The following RGS7 variants were observed in gnomAD, a reference collection of about 807,000 sequenced individuals.
RGS7 encodes the protein regulator of G-protein signaling 7.
RGS7 carries 27 observed loss-of-function variants against 81.1 expected under a neutral mutation model. The ratio of observed to expected loss-of-function variants is 0.33; its 90% CI spans 0.25 to 0.46. The LOEUF (loss-of-function observed/expected upper bound fraction) is 0.46, where lower values mean the gene tolerates loss of function less well. Ranked by LOEUF, RGS7 falls within the 20% of genes least tolerant of loss-of-function variation. The pLI, the probability that RGS7 is intolerant of heterozygous loss-of-function variation, is 1.00. For synonymous variants in RGS7, 208 were observed against 207.7 expected, an observed-to-expected ratio of 1.00 and a Z score of -0.01; for missense variants, 396 against 607.4, an observed-to-expected ratio of 0.65 and a Z score of 3.66.
In RGS7 at chr1:240,868,134, G is replaced by C. The variant is rs1019666950; in HGVS notation, c.609+453C>G. On this transcript the variant is annotated intron_variant, in intron 9 of 18. Coordinates refer to ENST00000440928, the MANE Select transcript of RGS7 (RefSeq NM_001364886.1). This position sits in a 1 kb window ranked among gnomAD's most constrained non-coding sequence, Gnocchi z 5.1. ...AAAGAAAAGGAAAGAAAGAAAGAAA[G>C]AAAGAAAGAAAGAAAGAAAGAAAGG... is the stretch of plus-strand genomic sequence containing the variant. 2.6e-5 allele frequency among the ~76,000 whole-genome samples: 3 copies of C among 117,168 alleles called. No homozygotes were observed. Among genetic ancestry groups the C allele is most frequent in the African/African-American group, 1.5e-4 (3 of 19,852 alleles). 76.9% of individuals were successfully genotyped at this position (117,168 alleles called of 152,430 possible).
At chr1:240,786,728 A>C (rs539924195) in intron 18 of RGS7, among the ~76,000 whole-genome samples, 31 of 152,336 alleles carry the variant, frequency 2.0e-4, no homozygotes, top group Admixed American at 1.4e-3. Context: ...TATTTTTTAA[A>C]AAATGTGTCA....
chr1:240,954,533 G>A (rs1285525341), intron 4 of RGS7, among the ~76,000 whole-genome samples: 1 of 135,552 alleles, frequency 7.4e-6, no homozygotes, highest in Non-Finnish European at 1.6e-5. Context: ...TCATTAGACA[G>A]AATCCAAAAC....
intron 6 of RGS7, among the ~76,000 whole-genome samples, chr1:240,884,290 T>C (rs1240445040): frequency 6.6e-6 from 1 of 152,112 alleles, no homozygotes; most frequent in African/African-American, 2.4e-5. Flanking sequence ...CAGAAACACA[T>C]ATGCATGAAG....
At chr1:240,780,718 A>T (rs1683868730) in intron 18 of RGS7, among the ~76,000 whole-genome samples, 1 of 151,976 alleles carries the variant, frequency 6.6e-6, no homozygotes, top group Non-Finnish European at 1.5e-5. Flanking sequence ...GATCGAGACT[A>T]TCCTGGCCAA....
intron 17 of RGS7, 35 bp downstream of exon 17, chr1:240,801,420 T>G (rs1277948976): frequency 7.1e-7 from 1 of 1,416,372 alleles, no homozygotes; most frequent in East Asian, 2.3e-5. Context: ...TCATTGGACT[T>G]AATGATTCAT....
In RGS7 at chr1:241,054,871, A is replaced by G. The variant is rs141229700; in HGVS notation, c.175+43795T>C. 1.9e-3 allele frequency among the ~76,000 whole-genome samples: 288 copies of G among 152,340 alleles called. 3 individuals carry two copies. The highest frequency in any genetic ancestry group is 6.6e-3 in the African/African-American group (275 of 41,590). The stretch of plus-strand genomic sequence containing the variant: ...AAGTAGAGTTATCTTCCTAAAACTT[A>G]TATCACTACTCTACTTAAAACACTC... On this transcript the variant is annotated intron_variant, in intron 3 of 18. Transcript: ENST00000440928.
intron 3 of RGS7, among the ~76,000 whole-genome samples, chr1:241,090,046 T>C (rs1052787530): frequency 1.3e-5 from 2 of 149,718 alleles, no homozygotes; most frequent in Non-Finnish European, 3.0e-5. Context: ...TTTTCTTCCA[T>C]AGGGATCTTG....
chr1:241,300,613 T>C (rs976029090), intron 2 of RGS7, among the ~76,000 whole-genome samples: 5 of 152,370 alleles, frequency 3.3e-5, no homozygotes, highest in South Asian at 4.1e-4. Flanking sequence ...CATTTTAGCA[T>C]TGAATAATAT....
chr1:240,811,761 C>T (rs994302182), intron 14 of RGS7, among the ~76,000 whole-genome samples, 157 bp downstream of exon 14: 16 of 152,190 alleles, frequency 1.1e-4, no homozygotes, highest in African/African-American at 3.9e-4. Flanking sequence ...CTTTGCCTTG[C>T]TATCTCTTTT....
chr1:240,808,909 A>ATGG (rs34920560), intron 14 of RGS7, among the ~76,000 whole-genome samples: 107,533 of 151,356 alleles, frequency 0.71, 38,697 homozygotes, highest in Non-Finnish European at 0.78. Context: ...TATCCTTTAT[A>ATGG]TAGGTGGAAG....
intron 2 of RGS7, among the ~76,000 whole-genome samples, chr1:241,100,565 G>A (rs2102896258): frequency 6.6e-6 from 1 of 152,156 alleles, no homozygotes; most frequent in South Asian, 2.1e-4. Context: ...GTTTGTATTT[G>A]ACTCTTAGCT....
At chr1:241,032,706 C>T (rs527754) in intron 3 of RGS7, among the ~76,000 whole-genome samples, 4 of 151,880 alleles carry the variant, frequency 2.6e-5, no homozygotes, top group Non-Finnish European at 5.9e-5. Flanking sequence ...TCACGTCCTT[C>T]GTTACATATA....
intron 3 of RGS7, among the ~76,000 whole-genome samples, chr1:241,079,267 A>T (rs1418384984): frequency 6.6e-6 from 1 of 152,206 alleles, no homozygotes; most frequent in Non-Finnish European, 1.5e-5. Context: ...TGCTGGGGAC[A>T]TCAGCTGTCC....
chr1:240,894,018 G>A (rs1443770086), intron 6 of RGS7, among the ~76,000 whole-genome samples: 1 of 152,122 alleles, frequency 6.6e-6, no homozygotes, highest in African/African-American at 2.4e-5. Flanking sequence ...GTGATGGTCT[G>A]TGAATGGAAA....
At chr1:241,335,946 A>T (rs367778859) in intron 2 of RGS7, among the ~76,000 whole-genome samples, 21 of 152,264 alleles carry the variant, frequency 1.4e-4, no homozygotes, top group African/African-American at 4.8e-4. Flanking sequence ...TTCACTATAT[A>T]AAAGAACTAA....
intron 2 of RGS7, among the ~76,000 whole-genome samples, chr1:241,135,104 A>G (rs976391601): frequency 3.9e-5 from 6 of 152,180 alleles, no homozygotes; most frequent in Non-Finnish European, 8.8e-5. Context: ...TTTAGGCATC[A>G]GACCGCCTGT....
At chr1:241,239,518 T>C (rs1435775029) in intron 2 of RGS7, among the ~76,000 whole-genome samples, 1 of 152,202 alleles carries the variant, frequency 6.6e-6, no homozygotes, top group Admixed American at 6.5e-5. Context: ...GTCTATAATC[T>C]GACTCTTTTC....
chr1:241,042,112 A>T (rs1168900310), intron 3 of RGS7, among the ~76,000 whole-genome samples: 1 of 152,188 alleles, frequency 6.6e-6, no homozygotes, highest in Non-Finnish European at 1.5e-5. Flanking sequence ...TCTAAGGAAG[A>T]AGGGGATAAT....
intron 2 of RGS7, among the ~76,000 whole-genome samples, chr1:241,225,344 C>T (rs2075256215): frequency 6.6e-6 from 1 of 152,202 alleles, no homozygotes; most frequent in Admixed American, 6.5e-5. Flanking sequence ...ATTTCTCCCA[C>T]ATGTGGCAAA....
Sources: gnomAD v4.1 joint callset for allele counts (sites outside exome capture counted in the v4.1 genomes callset) on GRCh38, gnomAD v4.1.1 for gene constraint, Gnocchi (gnomAD v3.1) non-coding constraint, MANE v1.5 for transcripts, NCBI Gene and HGNC (gene_info 2026-07-23, HGNC 2026-07-21) for gene names.